GALNT10: variants seen among roughly 807,000 people sequenced by gnomAD.
The protein encoded by GALNT10 is GalNAc transferase 10.
GALNT10 carries 41 observed loss-of-function variants against 75.0 expected under a neutral mutation model. The ratio of observed to expected loss-of-function variants is 0.55; its 90% CI spans 0.43 to 0.71. The LOEUF (loss-of-function observed/expected upper bound fraction) is 0.71, where lower values mean the gene tolerates loss of function less well. Among genes scored for constraint, GALNT10 ranks in the 30% least tolerant of loss-of-function variants. GALNT10 has a pLI of 0.00. For missense variants in GALNT10, 727 were observed against 818.5 expected (o/e 0.89, Z 1.36); for synonymous variants, 302 against 313.0 (o/e 0.96, Z 0.37).
At chr5:154,327,808 A>T (rs1022575216) in intron 3 of GALNT10, among the ~76,000 whole-genome samples, 2 of 152,244 alleles carry the variant, frequency 1.3e-5, no homozygotes, top group African/African-American at 4.8e-5. Flanking sequence ...CTGATGAAAT[A>T]AAATATTTAG....
intron 1 of GALNT10, among the ~76,000 whole-genome samples, chr5:154,195,715 T>C (rs759016167): frequency 1.3e-5 from 2 of 152,182 alleles, no homozygotes; most frequent in Non-Finnish European, 2.9e-5. Flanking sequence ...AAGTTCTTGT[T>C]CTATTTCACC....
At chr5:154,365,096 T>C (rs1269325887) in intron 4 of GALNT10, among the ~76,000 whole-genome samples, 1 of 152,254 alleles carries the variant, frequency 6.6e-6, no homozygotes, top group Non-Finnish European at 1.5e-5. Flanking sequence ...GTTTAGATAA[T>C]AGCATCTCTT....
chr5:154,229,970 C>T (rs1317651373), intron 1 of GALNT10, among the ~76,000 whole-genome samples: 1 of 152,240 alleles, frequency 6.6e-6, no homozygotes, highest in African/African-American at 2.4e-5. Context: ...AGTCTCCATG[C>T]TGGGCACCTT....
chr5:154,207,456 TG>T (rs1775128768), intron 1 of GALNT10, among the ~76,000 whole-genome samples: 1 of 152,302 alleles, frequency 6.6e-6, no homozygotes, highest in South Asian at 2.1e-4. Flanking sequence ...TACAGAGTCC[TG>T]GGCCTTAACC....
At chr5:154,261,263 A>G (rs1049352479) in intron 1 of GALNT10, among the ~76,000 whole-genome samples, 1 of 139,890 alleles carries the variant, frequency 7.1e-6, no homozygotes, top group Non-Finnish European at 1.5e-5. Context: ...GGTTTAAGCT[A>G]AAAGAAAAAA....
intron 1 of GALNT10, among the ~76,000 whole-genome samples, chr5:154,191,438 C>G (rs1368459103): frequency 5.2e-4 from 2 of 3,834 alleles, no homozygotes; most frequent in Non-Finnish European, 6.4e-4. Context: ...TCCTCCCACC[C>G]CCCCCCCCCC....
chr5:154,299,856 A>G (rs907594526), intron 3 of GALNT10, among the ~76,000 whole-genome samples: 6 of 123,200 alleles, frequency 4.9e-5, no homozygotes, highest in African/African-American at 1.2e-4. Context: ...TTTTTTTGAG[A>G]CAGGGTCTCG....
At chr5:154,400,310 C>T (rs1490281212) in intron 7 of GALNT10, among the ~76,000 whole-genome samples, 3 of 152,330 alleles carry the variant, frequency 2.0e-5, no homozygotes, top group South Asian at 4.1e-4. Flanking sequence ...GCTGCATTCA[C>T]GGACAGGCCC....
At chr5:154,293,702 C>G (rs1754233606) in intron 1 of GALNT10, among the ~76,000 whole-genome samples, 1 of 151,588 alleles carries the variant, frequency 6.6e-6, no homozygotes. Flanking sequence ...TCTGGGCCCT[C>G]AAGACCATAC....
At chr5:154,226,268 A>T (rs1371981282) in intron 1 of GALNT10, among the ~76,000 whole-genome samples, 1 of 152,150 alleles carries the variant, frequency 6.6e-6, no homozygotes, top group East Asian at 1.9e-4. Context: ...TATGGTTGTC[A>T]TGTATTTTAG....
chr5:154,271,453 C>T (rs3959918), intron 1 of GALNT10, among the ~76,000 whole-genome samples: 27,396 of 151,856 alleles, frequency 0.18, 2,653 homozygotes, highest in African/African-American at 0.22. Context: ...GCAACAAGGA[C>T]GAAACTCCGT....
intron 3 of GALNT10, among the ~76,000 whole-genome samples, chr5:154,315,714 A>G (rs1165264916): frequency 6.6e-6 from 1 of 152,194 alleles, no homozygotes. Flanking sequence ...GCAATCATAG[A>G]GCCCACCCAG....
At chr5:154,312,402 T>C (rs1308467414) in intron 3 of GALNT10, among the ~76,000 whole-genome samples, 1 of 152,224 alleles carries the variant, frequency 6.6e-6, no homozygotes, top group Non-Finnish European at 1.5e-5. Context: ...GCCTGGGTAA[T>C]GAATTGTAAC....
chr5:154,350,223 A>G (rs1277780054), intron 4 of GALNT10, among the ~76,000 whole-genome samples: 1 of 151,278 alleles, frequency 6.6e-6, no homozygotes, highest in Admixed American at 6.6e-5. Context: ...ATAGAACTGG[A>G]GACACTGAGA....
At chr5:154,309,135 G>A (rs534825620) in intron 3 of GALNT10, among the ~76,000 whole-genome samples, 5 of 152,188 alleles carry the variant, frequency 3.3e-5, no homozygotes, top group Non-Finnish European at 7.3e-5. Flanking sequence ...AGATAAGATG[G>A]CATATGAACA....
intron 1 of GALNT10, among the ~76,000 whole-genome samples, chr5:154,290,373 T>C (rs144779900): frequency 1.2e-3 from 183 of 149,508 alleles, no homozygotes; most frequent in African/African-American, 4.4e-3. Context: ...CCTTCCAAAG[T>C]ATTGGGATTA....
At chr5:154,263,456 G>A (rs1413756886) in intron 1 of GALNT10, among the ~76,000 whole-genome samples, 1 of 152,214 alleles carries the variant, frequency 6.6e-6, no homozygotes, top group East Asian at 1.9e-4. Flanking sequence ...CAAATCCCTG[G>A]AGATGGAAAG....
rs1756300931 is a variant in GALNT10 at position 154,407,262 on chromosome 5, AT to A, written c.1165-2278del. ...GTAGGAAGGTGTTGAGAGTAGAGGT[AT>A]GAGGAGCCCGAAGCCCACTGAAATC... On this transcript the variant is annotated intron_variant, in intron 8 of 11. Transcript: ENST00000297107. Among the ~76,000 whole-genome samples, 3 of 152,160 alleles carry A rather than the reference AT, an allele frequency of 2.0e-5. No homozygotes were observed. The South Asian group carries it at 6.2e-4, about 32-fold the overall frequency.
At chr5:154,322,648 C>T (rs1237329706) in intron 3 of GALNT10, among the ~76,000 whole-genome samples, 1 of 152,186 alleles carries the variant, frequency 6.6e-6, no homozygotes, top group East Asian at 1.9e-4. Context: ...GTTGTTCTTT[C>T]TGAGCCTGCC....
Sources: gnomAD v4.1 joint callset for allele counts (sites outside exome capture counted in the v4.1 genomes callset) on GRCh38, gnomAD v4.1.1 for gene constraint, MANE v1.5 for transcripts, NCBI Gene and HGNC (gene_info 2026-07-23, HGNC 2026-07-21) for gene names.